EPAS1: variants seen among roughly 807,000 people sequenced by gnomAD.
EPAS1 encodes endothelial PAS domain-containing protein 1.
In EPAS1, 23 loss-of-function variants were observed where a neutral mutation model predicts 87.9. The ratio of observed to expected loss-of-function variants is 0.26; its 90% CI spans 0.19 to 0.37. The LOEUF is 0.37. EPAS1 is among the 10% of genes least tolerant of loss of function. The pLI is 1.00. For missense variants in EPAS1, 1,138 were observed against 1,120.7 expected, an observed-to-expected ratio of 1.02 and a Z score of -0.22; for synonymous variants, 508 against 444.3, an observed-to-expected ratio of 1.14 and a Z score of -1.80.
At chr2:46,352,859 G>A (rs753853985) in intron 2 of EPAS1, among the ~76,000 whole-genome samples, 10 of 152,154 alleles carry the variant, frequency 6.6e-5, no homozygotes, top group Admixed American at 2.6e-4. Context: ...TCTCCCTCCC[G>A]GAGGCCAGCT....
At chr2:46,354,829 G>C (rs1211861532) in intron 2 of EPAS1, among the ~76,000 whole-genome samples, 1 of 152,124 alleles carries the variant, frequency 6.6e-6, no homozygotes, top group African/African-American at 2.4e-5. Flanking sequence ...CCCAATCTCT[G>C]AGACTGGGAA....
rs371992743 is a variant in EPAS1 at position 46,378,201 on chromosome 2, C to G, written c.1443+114C>G. On this transcript the variant is annotated intron_variant, in intron 10 of 15. Coordinates refer to ENST00000263734, the MANE Select transcript of EPAS1 (RefSeq NM_001430.5). Reference sequence around the variant, plus strand: ...CTGTCCTTCTCAGGTTATCACAGAGCCCCCTAGAGTGGCCGTGACACTTAC... The same window carrying G: ...CTGTCCTTCTCAGGTTATCACAGAGGCCCCTAGAGTGGCCGTGACACTTAC... The G allele has an allele frequency of 1.2e-5, 18 of 1,479,278 alleles. No individual in the cohort carries two copies. In the African/African-American group the frequency reaches 2.4e-4, roughly 20 times the overall value. 91.6% of individuals were successfully genotyped at this position (1,479,278 alleles called of 1,614,324 possible).
chr2:46,354,054 C>T (rs1684220537), intron 2 of EPAS1, among the ~76,000 whole-genome samples: 1 of 152,224 alleles, frequency 6.6e-6, no homozygotes, highest in Admixed American at 6.5e-5. Flanking sequence ...TCACTGAAGC[C>T]TCTTGGTAGG....
intron 6 of EPAS1, among the ~76,000 whole-genome samples, chr2:46,365,627 T>C (rs17035073): frequency 0.02 from 2,982 of 152,304 alleles, 90 homozygotes; most frequent in African/African-American, 0.066. Context: ...GAAATGGATT[T>C]CCCGTTAATT....
intron 2 of EPAS1, among the ~76,000 whole-genome samples, chr2:46,353,696 C>T (rs770429378): frequency 6.6e-6 from 1 of 152,230 alleles, no homozygotes; most frequent in Non-Finnish European, 1.5e-5. Flanking sequence ...ATCATCGCTT[C>T]AGCGGGCTGA....
chr2:46,357,503 A>G (rs1160221898), intron 4 of EPAS1, among the ~76,000 whole-genome samples: 1 of 152,208 alleles, frequency 6.6e-6, no homozygotes, highest in Non-Finnish European at 1.5e-5. Context: ...CAGAAGCACT[A>G]AAGTGGAAGC....
intron 6 of EPAS1, among the ~76,000 whole-genome samples, chr2:46,363,160 C>G (rs1684436694): frequency 1.3e-5 from 2 of 152,296 alleles, no homozygotes; most frequent in South Asian, 4.1e-4. Context: ...CTTTGTGTAC[C>G]TCAGTAGTCT....
chr2:46,343,152 G>A (rs763995278), intron 1 of EPAS1, among the ~76,000 whole-genome samples: 2 of 152,064 alleles, frequency 1.3e-5, no homozygotes, highest in African/African-American at 4.8e-5. Context: ...TACTGTGACC[G>A]GCACCTGTGT....
intron 1 of EPAS1, among the ~76,000 whole-genome samples, chr2:46,305,093 T>C (rs1402237468): frequency 6.6e-6 from 1 of 152,198 alleles, no homozygotes; most frequent in East Asian, 1.9e-4. Context: ...ACAGTCGATG[T>C]GGTGGTCATC....
intron 15 of EPAS1, among the ~76,000 whole-genome samples, chr2:46,383,427 A>G (rs1445847152): frequency 6.6e-6 from 1 of 152,216 alleles, no homozygotes; most frequent in Non-Finnish European, 1.5e-5. Context: ...TGGCCTGAAA[A>G]TAATTCGTGG....
At chr2:46,326,669 A>G (rs549763203) in intron 1 of EPAS1, among the ~76,000 whole-genome samples, 1 of 152,338 alleles carries the variant, frequency 6.6e-6, no homozygotes, top group South Asian at 2.1e-4. Context: ...CCACTGTAGG[A>G]AGGGCACTGG....
intron 4 of EPAS1, among the ~76,000 whole-genome samples, chr2:46,357,565 C>T (rs1054216643): frequency 6.6e-6 from 1 of 152,310 alleles, no homozygotes; most frequent in African/African-American, 2.4e-5. Context: ...ATCACTTCTG[C>T]CCCATCTTGT....
In EPAS1 at chr2:46,360,707, C is replaced by T. The variant is rs1191011803; in HGVS notation, c.524C>T (p.Thr175Met). ...ERDFFMRMKC[T>M]VTNRGRTVNL... The stretch of plus-strand genomic sequence containing the variant: ...GACTTCTTCATGAGGATGAAGTGCA[C>T]GGTCACCAACAGAGGCCGTACTGTC... The change falls in exon 5 of 16, where the codon ACG becomes ATG. Residue 175 changes from threonine to methionine, a missense_variant. Transcript: ENST00000263734. The surrounding 1 kb of genome is among the most constrained non-coding windows in gnomAD (Gnocchi z 4.5). 1.2e-5 allele frequency: 19 copies of T among 1,613,864 alleles called. No homozygotes were observed. Among genetic ancestry groups the T allele is most frequent in the East Asian group, 4.5e-5 (2 of 44,892 alleles).
At chr2:46,348,330 A>G (rs993392839) in intron 2 of EPAS1, among the ~76,000 whole-genome samples, 2 of 152,216 alleles carry the variant, frequency 1.3e-5, no homozygotes, top group Non-Finnish European at 2.9e-5. Flanking sequence ...AAGAGAGAAC[A>G]GTGGGCTGAG....
In EPAS1 at chr2:46,386,594, T is replaced by G. The variant is rs1457543299; in HGVS notation, c.*1934T>G. 1 of 152,678 alleles carries G rather than the reference T, an allele frequency of 6.5e-6. No individual in the cohort carries two copies. The highest frequency in any genetic ancestry group is 2.4e-5 in the African/African-American group (1 of 41,454). 9.5% of individuals were successfully genotyped at this position (152,678 alleles called of 1,614,324 possible). A position where few individuals can be genotyped will look rare whatever the true frequency, so the allele number is the denominator to read the frequency against. ...AACGTAACGATTTCATGAACGTTAT[T>G]ATATTGTCGAATTCCTACTGACAAC... On this transcript the variant is annotated 3_prime_UTR_variant, in exon 16 of 16. Coordinates refer to ENST00000263734, the MANE Select transcript of EPAS1 (RefSeq NM_001430.5).
Position 46,346,821 on chromosome 2 carries a change from A to G in EPAS1, c.27-52A>G. ...CCATGGGGATGTCCTGGCCAGAGGTATGATAGGCTGACAGTAACCTTTCCG... is the reference window on the plus strand; with the variant it reads ...CCATGGGGATGTCCTGGCCAGAGGTGTGATAGGCTGACAGTAACCTTTCCG... On this transcript the variant is annotated intron_variant, in intron 1 of 15. Coordinates refer to ENST00000263734, the MANE Select transcript of EPAS1 (RefSeq NM_001430.5). This position sits in a 1 kb window ranked among gnomAD's most constrained non-coding sequence, Gnocchi z 4.0. 6.2e-7 allele frequency: 1 copy of G among 1,601,972 alleles called. No individual in the cohort carries two copies. The highest frequency in any genetic ancestry group is 8.5e-7 in the Non-Finnish European group (1 of 1,171,796).
Position 46,338,921 on chromosome 2 carries a change from A to C in EPAS1, c.27-7952A>C, listed in dbSNP as rs534758700. Reference sequence around the variant, plus strand: ...AGCCAAATCTGCCAACTCAGCTTTCATGGGGTGGGGGTGGGGTCACTGTGA... The same window carrying C: ...AGCCAAATCTGCCAACTCAGCTTTCCTGGGGTGGGGGTGGGGTCACTGTGA... On this transcript the variant is annotated intron_variant, in intron 1 of 15. Transcript: ENST00000263734. Among the ~76,000 whole-genome samples the C allele has an allele frequency of 3.7e-3, 304 of 81,720 alleles. 1 individual carries two copies. Among genetic ancestry groups the C allele is most frequent in the African/African-American group, 0.014 (290 of 20,454 alleles). 53.6% of individuals were successfully genotyped at this position (81,720 alleles called of 152,430 possible).
At position 46,346,777 on chromosome 2, in the gene EPAS1, G is replaced by A. The variant is rs559794056; in HGVS notation, c.27-96G>A. Reference sequence around the variant, plus strand: ...CAGATCAGTCTAGTAAGGGAGTGTGGCTGCACTGGGGGTTGGGGCCATGGG... The same window carrying A: ...CAGATCAGTCTAGTAAGGGAGTGTGACTGCACTGGGGGTTGGGGCCATGGG... On this transcript the variant is annotated intron_variant, in intron 1 of 15. Coordinates refer to ENST00000263734, the MANE Select transcript of EPAS1 (RefSeq NM_001430.5). The surrounding 1 kb of genome is among the most constrained non-coding windows in gnomAD (Gnocchi z 4.0). 6 of 1,298,504 alleles carry A rather than the reference G, an allele frequency of 4.6e-6. No homozygotes were observed. The South Asian group carries it at 6.2e-5, about 13-fold the overall frequency. The allele number at this position is 1,298,504 out of a possible 1,614,324, so 80.4% of individuals were successfully genotyped here.
intron 14 of EPAS1, 63 bp from the exon 15 acceptor site, chr2:46,382,362 C>A: frequency 1.9e-6 from 3 of 1,595,216 alleles, no homozygotes; most frequent in Middle Eastern, 3.3e-4. Flanking sequence ...GATGCTAGGG[C>A]TTCCTGGCCT....
Sources: allele counts gnomAD v4.1 joint callset (sites outside exome capture counted in the v4.1 genomes callset), GRCh38; gene constraint gnomAD v4.1.1; non-coding constraint Gnocchi (gnomAD v3.1); transcripts MANE v1.5; gene names NCBI Gene and HGNC (gene_info 2026-07-23, HGNC 2026-07-21).